The following CDH18 variants were observed in gnomAD, a reference collection of about 807,000 sequenced individuals.
The protein encoded by CDH18 is cadherin-18.
Under a neutral mutation model 67.9 loss-of-function variants are expected in CDH18, and 31 were observed. The ratio of observed to expected loss-of-function variants is 0.46; its 90% confidence interval spans 0.34 to 0.62. CDH18 has a LOEUF of 0.62. CDH18 is among the 20% of genes least tolerant of loss of function. The pLI is 0.01. For missense variants in CDH18, 890 were observed against 975.5 expected (o/e 0.91, Z 1.17); for synonymous variants, 362 against 347.2 (o/e 1.04, Z -0.48).
intron 1 of CDH18, among the ~76,000 whole-genome samples, chr5:20,480,323 TACA>T (rs755416756): frequency 6.6e-6 from 1 of 152,142 alleles, no homozygotes; most frequent in Admixed American, 6.6e-5. Context: ...AAATAATGAC[TACA>T]ACAACTTTTC....
intron 2 of CDH18, among the ~76,000 whole-genome samples, chr5:20,056,460 C>CTT (rs1561753951): frequency 5.4e-5 from 1 of 18,648 alleles, no homozygotes; most frequent in African/African-American, 1.9e-4. Context: ...TATTATTTTT[C>CTT]TTTATTTTCT....
intron 1 of CDH18, among the ~76,000 whole-genome samples, chr5:20,531,424 A>C (rs927159839): frequency 6.6e-5 from 10 of 152,226 alleles, no homozygotes; most frequent in Admixed American, 4.6e-4. Context: ...TTCCACTATA[A>C]AAATACATCG....
chr5:20,500,045 C>G (rs1381971380), intron 1 of CDH18, among the ~76,000 whole-genome samples: 3 of 152,092 alleles, frequency 2.0e-5, no homozygotes, highest in African/African-American at 7.2e-5. Context: ...ATAGAAATAT[C>G]TAGTTTCTAG....
At position 19,473,065 on chromosome 5, in the gene CDH18, T is replaced by A; in HGVS notation, c.*161A>T. The A allele has an allele frequency of 1.4e-5, 8 of 579,924 alleles. No individual in the cohort carries two copies. The highest frequency in any genetic ancestry group is 2.0e-5 in the Non-Finnish European group (7 of 347,868). 35.9% of individuals were successfully genotyped at this position (579,924 alleles called of 1,614,324 possible). A position where few individuals can be genotyped will look rare whatever the true frequency, so the allele number is the denominator to read the frequency against. The stretch of plus-strand genomic sequence containing the variant: ...TTTTTTTTACTTTCTTCCAATTAAA[T>A]AACCCAGTTTCGATCATGAAAAGGG... On this transcript the variant is annotated 3_prime_UTR_variant, in exon 13 of 13. Coordinates refer to ENST00000382275, the MANE Select transcript of CDH18 (RefSeq NM_004934.5).
At chr5:19,890,607 T>TC (rs1422340325) in intron 2 of CDH18, among the ~76,000 whole-genome samples, 1 of 137,006 alleles carries the variant, frequency 7.3e-6, no homozygotes, top group East Asian at 2.2e-4. Context: ...ATTTTTTTTT[T>TC]TTTTTGAGAC....
intron 4 of CDH18, among the ~76,000 whole-genome samples, chr5:19,731,220 C>A (rs1280489782): frequency 6.6e-6 from 1 of 152,078 alleles, no homozygotes; most frequent in Non-Finnish European, 1.5e-5. Flanking sequence ...GAGGCCGAGA[C>A]GGGTGGATCA....
intron 12 of CDH18, among the ~76,000 whole-genome samples, chr5:19,482,763 G>A (rs1417222427): frequency 6.6e-6 from 1 of 152,092 alleles, no homozygotes; most frequent in Non-Finnish European, 1.5e-5. Flanking sequence ...AGGGGAAAAA[G>A]CACCTGAAGT....
At chr5:20,256,998 A>G (rs1159497520) in intron 1 of CDH18, among the ~76,000 whole-genome samples, 1 of 143,678 alleles carries the variant, frequency 7.0e-6, no homozygotes, top group Admixed American at 6.9e-5. Context: ...CTATCTATCT[A>G]TCTATCTATC....
chr5:19,634,374 C>T (rs2150193299), intron 5 of CDH18, among the ~76,000 whole-genome samples: 1 of 152,180 alleles, frequency 6.6e-6, no homozygotes, highest in South Asian at 2.1e-4. Flanking sequence ...CCTCTTCTCA[C>T]TGGATTAACT....
chr5:20,131,002 T>A lies in CDH18; in HGVS notation c.-518+124442A>T, dbSNP rs1749221414. Among the ~76,000 whole-genome samples the A allele has an allele frequency of 2.0e-5, 3 of 152,260 alleles. No homozygotes were observed. In the South Asian group the frequency reaches 6.2e-4, roughly 32 times the overall value. ...TTATTGTGTCCTTCCACTGTTTTAC[T>A]GAAACTACTGTGGCAAAAATAACTA... On this transcript the variant is annotated intron_variant, in intron 2 of 14. Coordinates refer to the CDH18 transcript ENST00000507958.
intron 2 of CDH18, among the ~76,000 whole-genome samples, chr5:20,157,956 C>G (rs577542304): frequency 1.3e-5 from 2 of 152,156 alleles, no homozygotes; most frequent in African/African-American, 4.8e-5. Context: ...TCCTCTTCCC[C>G]TCACCTACTC....
intron 1 of CDH18, among the ~76,000 whole-genome samples, chr5:20,517,129 T>C (rs997438438): frequency 6.6e-6 from 1 of 151,936 alleles, no homozygotes; most frequent in Non-Finnish European, 1.5e-5. Flanking sequence ...TGCTTCATGC[T>C]TGGGATTAGA....
At chr5:19,962,878 A>T (rs774134982) in intron 2 of CDH18, among the ~76,000 whole-genome samples, 12 of 152,144 alleles carry the variant, frequency 7.9e-5, no homozygotes, top group Non-Finnish European at 1.3e-4. Flanking sequence ...AAGATGATAC[A>T]ATGTCCCATC....
chr5:20,345,895 A>G (rs1432040289), intron 1 of CDH18, among the ~76,000 whole-genome samples: 2 of 152,172 alleles, frequency 1.3e-5, no homozygotes, highest in African/African-American at 4.8e-5. Flanking sequence ...AAAGCTATGT[A>G]TATCTCCTTT....
At chr5:19,753,033 C>T (rs777220102) in intron 3 of CDH18, among the ~76,000 whole-genome samples, 1 of 152,138 alleles carries the variant, frequency 6.6e-6, no homozygotes, top group African/African-American at 2.4e-5. Context: ...CTAACCACAG[C>T]CTTCAGCCCT....
intron 1 of CDH18, among the ~76,000 whole-genome samples, chr5:20,299,531 C>G (rs1308809491): frequency 6.6e-6 from 1 of 151,754 alleles, no homozygotes; most frequent in African/African-American, 2.4e-5. Flanking sequence ...GAGCCCGATG[C>G]AGGCAGATCA....
chr5:20,348,261 CAA>C (rs1231877436), intron 1 of CDH18, among the ~76,000 whole-genome samples: 2 of 152,038 alleles, frequency 1.3e-5, no homozygotes, highest in Non-Finnish European at 2.9e-5. Flanking sequence ...TCATTAACAA[CAA>C]AGAGACATCC....
intron 5 of CDH18, among the ~76,000 whole-genome samples, chr5:19,717,487 G>A (rs1765482731): frequency 6.6e-6 from 1 of 151,954 alleles, no homozygotes; most frequent in Admixed American, 6.6e-5. Context: ...CTATGTTATG[G>A]GAACTAGTTC....
intron 1 of CDH18, among the ~76,000 whole-genome samples, chr5:20,334,246 T>G (rs10073763): frequency 0.81 from 120,596 of 148,688 alleles, 49,199 homozygotes; most frequent in African/African-American, 0.9. Flanking sequence ...CCATTCTCCT[T>G]CCTCAGCCTC....
Sources: allele counts gnomAD v4.1 joint callset (sites outside exome capture counted in the v4.1 genomes callset), GRCh38; gene constraint gnomAD v4.1.1; transcripts MANE v1.5; gene names NCBI Gene and HGNC (gene_info 2026-07-23, HGNC 2026-07-21).